The following KCNK1 variants were observed in gnomAD, a reference collection of about 807,000 sequenced individuals.
The protein encoded by KCNK1 is potassium channel subfamily K member 1.
A neutral mutation model predicts 22.2 loss-of-function variants in KCNK1; 10 were observed. The ratio of observed to expected loss-of-function variants is 0.45; its 90% CI spans 0.28 to 0.76. KCNK1 has a LOEUF of 0.76. Ranked by LOEUF, KCNK1 falls within the 30% of genes least tolerant of loss-of-function variation. KCNK1 has a pLI of 0.14. For synonymous variants in KCNK1, 200 were observed against 186.4 expected (o/e 1.07, Z -0.60); for missense variants, 378 against 421.0 (o/e 0.90, Z 0.89).
intron 1 of KCNK1, among the ~76,000 whole-genome samples, chr1:233,631,827 A>G (rs1657803346): frequency 6.6e-6 from 1 of 152,066 alleles, no homozygotes; most frequent in African/African-American, 2.4e-5. Flanking sequence ...TTAAGCAAGT[A>G]ATTCTCCTTT....
At chr1:233,649,409 C>T (rs975198721) in intron 1 of KCNK1, among the ~76,000 whole-genome samples, 2 of 152,164 alleles carry the variant, frequency 1.3e-5, no homozygotes, top group Non-Finnish European at 2.9e-5. Flanking sequence ...TTTTCCTCTA[C>T]TCTTGCATGA....
At chr1:233,645,063 G>A (rs1041473364) in intron 1 of KCNK1, among the ~76,000 whole-genome samples, 34 of 150,712 alleles carry the variant, frequency 2.3e-4, no homozygotes, top group Admixed American at 2.0e-3. Flanking sequence ...GTGTGGTGGC[G>A]GGCGCCTGTA....
intron 1 of KCNK1, among the ~76,000 whole-genome samples, chr1:233,656,678 G>A (rs2102904880): frequency 6.6e-6 from 1 of 152,266 alleles, no homozygotes; most frequent in South Asian, 2.1e-4. Context: ...GTGCAGTGGT[G>A]CATGATCATG....
At chr1:233,646,242 C>A (rs1191468561) in intron 1 of KCNK1, among the ~76,000 whole-genome samples, 1 of 152,148 alleles carries the variant, frequency 6.6e-6, no homozygotes, top group African/African-American at 2.4e-5. Context: ...TCAACCTTAG[C>A]TCTATAATGG....
At chr1:233,631,445 T>C (rs955658996) in intron 1 of KCNK1, 1 of 382,192 alleles carries the variant, frequency 2.6e-6, no homozygotes, top group Non-Finnish European at 5.4e-6. Context: ...GCAGAAAATG[T>C]TCATTCCCGT....
chr1:233,660,921 A>T (rs187682769), intron 1 of KCNK1, among the ~76,000 whole-genome samples: 332 of 152,274 alleles, frequency 2.2e-3, no homozygotes, highest in Admixed American at 3.5e-3. Context: ...GAGTGCAAAG[A>T]TTATGGGCTC....
At chr1:233,653,669 T>A (rs1326787827) in intron 1 of KCNK1, among the ~76,000 whole-genome samples, 1 of 152,038 alleles carries the variant, frequency 6.6e-6, no homozygotes, top group Non-Finnish European at 1.5e-5. Context: ...GGACTGGGAG[T>A]TATGTCATTG....
intron 1 of KCNK1, among the ~76,000 whole-genome samples, chr1:233,615,395 G>A (rs969934542): frequency 6.6e-6 from 1 of 152,178 alleles, no homozygotes; most frequent in Non-Finnish European, 1.5e-5. Flanking sequence ...CATGCCCCAG[G>A]GCTCGGTCAC....
Position 233,666,853 on chromosome 1 carries a change from T to A in KCNK1, c.614T>A (p.Val205Asp). The change falls in exon 2 of 3, where the codon GTC (valine) becomes GAC (aspartate). Residue 205 changes from valine (V) to aspartate (D), a missense_variant. Physicochemically the swap from Val to Asp is radical, Grantham distance 152. Transcript: ENST00000366621. ...FFFIPAAVFS[V>D]LEDDWNFLES... ...TTCATCCCGGCCGCTGTCTTCTCAG[T>A]CCTGGAGGATGACTGGAACTTCCTG... 1.9e-6 allele frequency: 3 copies of A among 1,614,172 alleles called. No homozygotes were observed. Among genetic ancestry groups the A allele is most frequent in the Non-Finnish European group, 2.5e-6 (3 of 1,180,044 alleles).
chr1:233,615,611 G>C (rs1382693921), intron 1 of KCNK1, among the ~76,000 whole-genome samples: 2 of 152,190 alleles, frequency 1.3e-5, no homozygotes, highest in East Asian at 3.9e-4. Context: ...CTAGTTACCA[G>C]TGTCGTCCTG....
intron 1 of KCNK1, among the ~76,000 whole-genome samples, chr1:233,614,985 C>T (rs1268532960): frequency 6.6e-6 from 1 of 152,216 alleles, no homozygotes; most frequent in East Asian, 1.9e-4. Context: ...CCGCACCCAT[C>T]CCAGAGGCCG....
intron 1 of KCNK1, among the ~76,000 whole-genome samples, chr1:233,620,496 T>C (rs973327227): frequency 6.6e-6 from 1 of 152,220 alleles, no homozygotes; most frequent in Non-Finnish European, 1.5e-5. Context: ...TGTGATCCAA[T>C]TTGTGTCACT....
chr1:233,658,032 T>G (rs901490793), intron 1 of KCNK1, among the ~76,000 whole-genome samples: 4 of 152,190 alleles, frequency 2.6e-5, no homozygotes, highest in Non-Finnish European at 5.9e-5. Context: ...TGTGAGAGTA[T>G]GCAGAGGGTG....
At chr1:233,636,015 G>A (rs56039843) in intron 1 of KCNK1, among the ~76,000 whole-genome samples, 3,685 of 152,240 alleles carry the variant, frequency 0.024, 70 homozygotes, top group Non-Finnish European at 0.037. Flanking sequence ...CAGGCCATGC[G>A]GGCAGCCACG....
At chr1:233,652,032 T>A (rs1197298331) in intron 1 of KCNK1, among the ~76,000 whole-genome samples, 1 of 152,204 alleles carries the variant, frequency 6.6e-6, no homozygotes, top group African/African-American at 2.4e-5. Context: ...AGCCTTTACC[T>A]GAGAGTAACC....
At chr1:233,615,505 G>C (rs911485055) in intron 1 of KCNK1, among the ~76,000 whole-genome samples, 3 of 152,188 alleles carry the variant, frequency 2.0e-5, no homozygotes, top group Non-Finnish European at 4.4e-5. Flanking sequence ...ACAGTGGGAG[G>C]AATCTGAAAG....
At chr1:233,638,506 G>A (rs1571895560) in intron 1 of KCNK1, among the ~76,000 whole-genome samples, 1 of 152,116 alleles carries the variant, frequency 6.6e-6, no homozygotes, top group African/African-American at 2.4e-5. Context: ...AGGCCTGATT[G>A]GACTGGAGCA....
At chr1:233,633,538 A>G (rs998894247) in intron 1 of KCNK1, among the ~76,000 whole-genome samples, 4 of 152,174 alleles carry the variant, frequency 2.6e-5, no homozygotes, top group Non-Finnish European at 4.4e-5. Flanking sequence ...TTGAAGTCCT[A>G]TTATCAAATA....
intron 1 of KCNK1, among the ~76,000 whole-genome samples, chr1:233,653,509 A>G (rs909512180): frequency 6.6e-6 from 1 of 152,212 alleles, no homozygotes; most frequent in African/African-American, 2.4e-5. Flanking sequence ...AGAGATTAGC[A>G]TTTGAATCAG....
Sources: allele counts gnomAD v4.1 joint callset (sites outside exome capture counted in the v4.1 genomes callset), GRCh38; gene constraint gnomAD v4.1.1; transcripts MANE v1.5; gene names NCBI Gene and HGNC (gene_info 2026-07-23, HGNC 2026-07-21).